Variants in TJP2 observed in about 807,000 individuals in gnomAD.
TJP2 encodes Friedreich ataxia region gene X104 (tight junction protein ZO-2).
TJP2 carries 91 observed loss-of-function variants against 133.1 expected under a neutral mutation model. The ratio of observed to expected loss-of-function variants is 0.68; its 90% CI spans 0.58 to 0.81. The LOEUF (loss-of-function observed/expected upper bound fraction) is 0.81, where lower values mean the gene tolerates loss of function less well. TJP2 is among the 40% of genes least tolerant of loss of function. TJP2 has a pLI of 0.00. For missense variants in TJP2, 1,541 were observed against 1,565.6 expected (o/e 0.98, Z 0.26); for synonymous variants, 592 against 583.4 (o/e 1.01, Z -0.21).
At chr9:69,251,704 C>T (rs1831345153) in intron 21 of TJP2, among the ~76,000 whole-genome samples, 1 of 152,106 alleles carries the variant, frequency 6.6e-6, no homozygotes, top group South Asian at 2.1e-4. Context: ...TCTTCATTGG[C>T]TCCCAGATTT....
chr9:69,121,411 T>G, upstream of TJP2: 2 of 929,842 alleles, frequency 2.2e-6, no homozygotes, highest in Non-Finnish European at 2.5e-6. Flanking sequence ...CGCTGCTCTC[T>G]GGCTCGCCAC....
At chr9:69,174,527 T>C in intron 1 of TJP2, 95 bp downstream of exon 1, 1 of 1,340,304 alleles carries the variant, frequency 7.5e-7, no homozygotes, top group Admixed American at 2.0e-5. Flanking sequence ...TCTGAAGTTG[T>C]TCCCCGATGC....
At chr9:69,170,752 G>A (rs1287370288), upstream of TJP2, among the ~76,000 whole-genome samples, 4 of 152,114 alleles carry the variant, frequency 2.6e-5, no homozygotes, top group South Asian at 2.1e-4. Flanking sequence ...CTCCAGAAGC[G>A]TTTTCTTTCC....
chr9:69,248,240 C>T lies in TJP2; in HGVS notation c.2880+16C>T. ...GCACGAGGAGGTGAGGCGAGGCAGG[C>T]CACGGGCAGGAACAGGAGAGCCTGG... On this transcript the variant is annotated intron_variant, in intron 19 of 22. Coordinates refer to ENST00000377245, the MANE Select transcript of TJP2 (RefSeq NM_004817.4). The T allele has an allele frequency of 6.4e-7, 1 of 1,574,506 alleles. No homozygotes were observed. The highest frequency in any genetic ancestry group is 1.1e-5 in the South Asian group (1 of 87,660).
chr9:69,226,271 A>T (rs1296224230), intron 7 of TJP2, 96 bp downstream of exon 7: 10 of 1,432,686 alleles, frequency 7.0e-6, no homozygotes, highest in Non-Finnish European at 5.8e-6. Context: ...TGGAAGTTAA[A>T]TTTCTAAGGA....
intron 18 of TJP2, 43 bp from the exon 19 acceptor site, chr9:69,247,969 G>C: frequency 6.6e-7 from 1 of 1,522,754 alleles, no homozygotes; most frequent in Non-Finnish European, 8.8e-7. Context: ...ACTCCCAGGA[G>C]CCACATCAGA....
At chr9:69,198,946 T>G (rs1174525305) in intron 1 of TJP2, among the ~76,000 whole-genome samples, 1 of 152,240 alleles carries the variant, frequency 6.6e-6, no homozygotes, top group Admixed American at 6.5e-5. Context: ...ATGTTAAAAA[T>G]TATTCGTTTT....
At position 69,189,970 on chromosome 9, in the gene TJP2, T is replaced by C. The variant is rs937287045; in HGVS notation, c.60+15538T>C. ...AAAATACAAAAAGAAATTAGCCGGG[T>C]ATGGTGGTGGACGCCTGTAGTCCCA... is the stretch of plus-strand genomic sequence containing the variant. On this transcript the variant is annotated intron_variant, in intron 1 of 22. Transcript: ENST00000377245. Among the ~76,000 whole-genome samples, 2 of 109,844 alleles carry C rather than the reference T, an allele frequency of 1.8e-5. 1 individual carries two copies. Among genetic ancestry groups the C allele is most frequent in the Admixed American group, 1.6e-4 (2 of 12,232 alleles). The allele number at this position is 109,844 out of a possible 152,430, so 72.1% of individuals were successfully genotyped here.
intron 2 of TJP2, among the ~76,000 whole-genome samples, chr9:69,152,696 A>T (rs2133346912): frequency 6.6e-6 from 1 of 152,220 alleles, no homozygotes; most frequent in South Asian, 2.1e-4. Context: ...GCCCATGCTA[A>T]GGCCTTTCTC....
At chr9:69,163,705 TC>T (rs1824207720) in intron 2 of TJP2, among the ~76,000 whole-genome samples, 1 of 151,454 alleles carries the variant, frequency 6.6e-6, no homozygotes, top group Non-Finnish European at 1.5e-5. Context: ...ATCCCTGAGC[TC>T]AAGCCATCCA....
At chr9:69,245,787 GATGC>G (rs1453245695) in intron 17 of TJP2, among the ~76,000 whole-genome samples, 1 of 152,214 alleles carries the variant, frequency 6.6e-6, no homozygotes, top group Non-Finnish European at 1.5e-5. Context: ...GTAACTGGTT[GATGC>G]ATAGTAAGTG....
intron 1 of TJP2, among the ~76,000 whole-genome samples, chr9:69,185,765 CAT>C: frequency 6.6e-6 from 1 of 152,044 alleles, no homozygotes; most frequent in South Asian, 2.1e-4. Flanking sequence ...AGATTTTTAT[CAT>C]ATTTTGTACC....
chr9:69,179,660 C>T (rs1051684476), intron 1 of TJP2, among the ~76,000 whole-genome samples: 2 of 151,846 alleles, frequency 1.3e-5, no homozygotes, highest in Non-Finnish European at 2.9e-5. Context: ...CCACCACGCC[C>T]GGCTAATTTT....
intron 12 of TJP2, among the ~76,000 whole-genome samples, chr9:69,235,644 G>A (rs1364622177): frequency 1.3e-5 from 2 of 152,116 alleles, no homozygotes; most frequent in African/African-American, 4.8e-5. Context: ...AATTGAGAAG[G>A]GGTCTGATTG....
chr9:69,195,032 T>G (rs1049031233), intron 1 of TJP2, among the ~76,000 whole-genome samples: 8 of 152,220 alleles, frequency 5.3e-5, no homozygotes, highest in Non-Finnish European at 1.5e-5. Context: ...GCCCCAGGTC[T>G]GGGAGGGAAC....
chr9:69,217,047 G>T (rs1185707802), intron 3 of TJP2, among the ~76,000 whole-genome samples: 1 of 149,474 alleles, frequency 6.7e-6, no homozygotes, highest in Non-Finnish European at 1.5e-5. Flanking sequence ...GGATTGCAGT[G>T]GTGCGATCTC....
chr9:69,254,196 C>CT lies in TJP2; in HGVS notation c.3408-6dup, dbSNP rs778863371. 11 of 1,614,136 alleles carry CT rather than the reference C, an allele frequency of 6.8e-6. No individual in the cohort carries two copies. Among genetic ancestry groups the CT allele is most frequent in the African/African-American group, 4.0e-5 (3 of 75,036 alleles). ...TGTGCTCTGGAATGTCTTTAACACC[C>CT]TTTTTTTGTTAGTTCCAGACCCCCT... On this transcript the variant is annotated splice_polypyrimidine_tract_variant and intron_variant, in intron 22 of 22. Coordinates refer to ENST00000377245, the MANE Select transcript of TJP2 (RefSeq NM_004817.4).
chr9:69,205,435 TA>T lies in TJP2; in HGVS notation c.61-7112del, dbSNP rs1357903543. 6.4e-6 allele frequency: 7 copies of T among 1,092,756 alleles called. No homozygotes were observed. In the Admixed American group the frequency reaches 1.2e-4, roughly 18 times the overall value. 67.7% of individuals were successfully genotyped at this position (1,092,756 alleles called of 1,614,324 possible). On this transcript the variant is annotated intron_variant, in intron 1 of 22. Transcript: ENST00000377245. The stretch of plus-strand genomic sequence containing the variant: ...ATACTTGTATTAATTTTAGCAGATC[TA>T]TGTGAAACTGATAGCCTCTTACTGG...
At chr9:69,166,138 G>A (rs1824342564) in intron 2 of TJP2, among the ~76,000 whole-genome samples, 1 of 152,024 alleles carries the variant, frequency 6.6e-6, no homozygotes, top group African/African-American at 2.4e-5. Context: ...TTTGAGGCAG[G>A]GTCTTGCTCT....
Sources: allele counts gnomAD v4.1 joint callset (sites outside exome capture counted in the v4.1 genomes callset), GRCh38; gene constraint gnomAD v4.1.1; transcripts MANE v1.5; gene names NCBI Gene and HGNC (gene_info 2026-07-23, HGNC 2026-07-21).